The following DTX3L variants were observed in gnomAD, a reference collection of about 807,000 sequenced individuals.
DTX3L encodes deltex E3 ubiquitin ligase 3L.
Under a neutral mutation model 60.9 loss-of-function variants are expected in DTX3L, and 34 were observed. That is an observed-to-expected ratio of 0.56 (90% confidence interval 0.42 to 0.74). The LOEUF (loss-of-function observed/expected upper bound fraction) is 0.74, where lower values mean the gene tolerates loss of function less well. Among genes scored for constraint, DTX3L ranks in the 30% least tolerant of loss-of-function variants. The pLI, the probability that DTX3L is intolerant of heterozygous loss-of-function variation, is 0.00. For synonymous variants in DTX3L, 290 were observed against 316.6 expected, an observed-to-expected ratio of 0.92 and a Z score of 0.89; for missense variants, 810 against 874.0, an observed-to-expected ratio of 0.93 and a Z score of 0.92.
chr3:122,565,926 C>G lies in DTX3L; in HGVS notation c.255C>G (p.Phe85Leu). Residue 85 changes from phenylalanine to leucine, a missense_variant, in exon 2 of 5, where the codon TTC (phenylalanine) becomes TTG (leucine). Transcript: ENST00000296161. ...TTGACGAAAAACCTGTGCCCATTTTCCTGGTACCCACTGAAAATTCAATAA... is the reference window on the plus strand; with the variant it reads ...TTGACGAAAAACCTGTGCCCATTTTGCTGGTACCCACTGAAAATTCAATAA... ...ILVDEKPVPI[F>L]LVPTENSIKK... The G allele has an allele frequency of 6.2e-7, 1 of 1,614,178 alleles. No individual in the cohort carries two copies. Among genetic ancestry groups the G allele is most frequent in the Non-Finnish European group, 8.5e-7 (1 of 1,180,042 alleles).
rs1016973181 is a variant in DTX3L, at chr3:122,574,769, G to A, written c.*3022G>A. ...ACTTCTCCATGGAGCAGCCTGAGGC[G>A]ATCCCTTTATTCTGGGCTTCTCTCA... On this transcript the variant is annotated 3_prime_UTR_variant, in exon 5 of 5. Transcript: ENST00000296161. The A allele has an allele frequency of 1.3e-5, 2 of 152,160 alleles. No individual in the cohort carries two copies. Among genetic ancestry groups the A allele is most frequent in the Non-Finnish European group, 2.9e-5 (2 of 68,028 alleles). 9.4% of individuals were successfully genotyped at this position (152,160 alleles called of 1,614,324 possible). A position where few individuals can be genotyped will look rare whatever the true frequency, so the allele number is the denominator to read the frequency against.
intron 2 of DTX3L, 75 bp downstream of exon 2, chr3:122,566,145 A>G (rs1175226040): frequency 1.5e-6 from 2 of 1,366,494 alleles, no homozygotes; most frequent in Non-Finnish European, 2.1e-6. Flanking sequence ...TATTGATCCA[A>G]CACCCATGTG....
At chr3:122,570,273 G>A (rs1169447276) in intron 3 of DTX3L, 182 bp from the exon 4 acceptor site, 26 of 746,938 alleles carry the variant, frequency 3.5e-5, no homozygotes, top group Non-Finnish European at 5.4e-5. Flanking sequence ...TCAGGAAGGT[G>A]GACAGTGTTT....
intron 4 of DTX3L, 141 bp downstream of exon 4, chr3:122,570,813 C>A: frequency 1.2e-6 from 1 of 867,228 alleles, no homozygotes; most frequent in South Asian, 1.7e-5. Context: ...ATGGTAATCT[C>A]AAAGACAGAA....
chr3:122,571,542 T>C, intron 4 of DTX3L, 136 bp from the exon 5 acceptor site: 2 of 654,122 alleles, frequency 3.1e-6, no homozygotes, highest in Non-Finnish European at 2.6e-6. Context: ...TTAAAAGTCA[T>C]GATACGTCAT....
Position 122,569,819 on chromosome 3 carries a change from G to T in DTX3L, c.1730G>T (p.Cys577Phe), listed in dbSNP as rs1199117420. Residue 577 changes from cysteine to phenylalanine, a missense_variant, in exon 3 of 5, where the codon TGC becomes TTC. Coordinates refer to ENST00000296161, the MANE Select transcript of DTX3L (RefSeq NM_138287.3). ...TISNKKVLPKCKHEFCAPCIN... is the reference protein window; with the variant it reads ...TISNKKVLPKFKHEFCAPCIN... ...AGTAACAAAAAAGTGCTACCAAAGTGCAAGCATGAATTCTGCGCCCCTTGT... is the reference window on the plus strand; with the variant it reads ...AGTAACAAAAAAGTGCTACCAAAGTTCAAGCATGAATTCTGCGCCCCTTGT... The T allele has an allele frequency of 6.2e-7, 1 of 1,613,996 alleles. No homozygotes were observed. Among genetic ancestry groups the T allele is most frequent in the Non-Finnish European group, 8.5e-7 (1 of 1,180,042 alleles).
chr3:122,569,010 A>G lies in DTX3L; in HGVS notation c.921A>G (p.Gln307=), dbSNP rs1379936901. ...EFQKNTEPLK[Q]ECVSLADSKQ... is the part of the protein sequence containing the mutation. ...AGAAGAACACAGAACCTCTGAAGCAAGAATGTGTCTCTTTAGCAGACAGTA... is the reference window on the plus strand; with the variant it reads ...AGAAGAACACAGAACCTCTGAAGCAGGAATGTGTCTCTTTAGCAGACAGTA... Residue 307 remains glutamine, a synonymous_variant, in exon 3 of 5, where the codon CAA becomes CAG. Coordinates refer to ENST00000296161, the MANE Select transcript of DTX3L (RefSeq NM_138287.3). 1 of 1,614,086 alleles carries G rather than the reference A, an allele frequency of 6.2e-7. No individual in the cohort carries two copies. Among genetic ancestry groups the G allele is most frequent in the African/African-American group, 1.3e-5 (1 of 74,940 alleles).
In DTX3L at chr3:122,567,698, G is replaced by T. The variant is rs191870417; in HGVS notation, c.400-791G>T. Among the ~76,000 whole-genome samples the T allele has an allele frequency of 4.8e-3, 730 of 152,264 alleles. 4 individuals carry two copies. Among genetic ancestry groups the T allele is most frequent in the Admixed American group, 0.016 (252 of 15,296 alleles). ...AAAAATAGTAATAGGAAAAGCCATTGCCCTCAGTTTTATGGCTCCCTTCCA... is the reference window on the plus strand; with the variant it reads ...AAAAATAGTAATAGGAAAAGCCATTTCCCTCAGTTTTATGGCTCCCTTCCA... On this transcript the variant is annotated intron_variant, in intron 2 of 4. Transcript: ENST00000296161.
intron 1 of DTX3L, 143 bp from the exon 2 acceptor site, chr3:122,565,716 C>A: frequency 1.4e-6 from 1 of 734,846 alleles, no homozygotes; most frequent in Non-Finnish European, 2.3e-6. Flanking sequence ...CTTTCTCCAT[C>A]GCCAACCCAC....
chr3:122,567,738 T>C (rs982766258), intron 2 of DTX3L, among the ~76,000 whole-genome samples: 3 of 152,192 alleles, frequency 2.0e-5, no homozygotes, highest in African/African-American at 7.2e-5. Flanking sequence ...CACAAACTTT[T>C]GTGAGGGCCA....
intron 3 of DTX3L, 106 bp downstream of exon 3, chr3:122,570,130 T>A (rs1436961427): frequency 8.1e-7 from 1 of 1,229,584 alleles, no homozygotes; most frequent in Non-Finnish European, 1.2e-6. Context: ...CAAGGAATTA[T>A]CTCCAGGGTC....
intron 3 of DTX3L, 69 bp from the exon 4 acceptor site, chr3:122,570,386 A>G (rs1330855437): frequency 1.4e-6 from 2 of 1,454,136 alleles, no homozygotes; most frequent in Non-Finnish European, 1.9e-6. Context: ...ACAAATGAAC[A>G]CATCTATACC....
Position 122,569,154 on chromosome 3 carries a change from A to C in DTX3L, c.1065A>C (p.Gln355His). The C allele has an allele frequency of 1.2e-6, 2 of 1,614,226 alleles. No homozygotes were observed. Among genetic ancestry groups the C allele is most frequent in the Non-Finnish European group, 1.7e-6 (2 of 1,180,040 alleles). The change falls in exon 3 of 5, where the codon CAA (glutamine) becomes CAC (histidine). Residue 355 changes from glutamine to histidine, a missense_variant. Gln to His is a conservative substitution (Grantham distance 24, BLOSUM62 0). Transcript: ENST00000296161. ...GTQDDISAAK[Q>H]KISEAFVKIP... is the part of the protein sequence containing the mutation. ...AAGATGACATTTCAGCTGCCAAACA[A>C]AAAATCTCTGAAGCTTTTGTCAAGA... is the stretch of plus-strand genomic sequence containing the variant.
intron 1 of DTX3L, 107 bp downstream of exon 1, chr3:122,564,720 T>C (rs1388868450): frequency 2.9e-6 from 4 of 1,367,006 alleles, no homozygotes; most frequent in Non-Finnish European, 3.9e-6. Context: ...GGAGAAAGTA[T>C]GTCACTGTGC....
intron 4 of DTX3L, 124 bp downstream of exon 4, chr3:122,570,796 A>G (rs1282186735): frequency 5.1e-6 from 5 of 985,028 alleles, no homozygotes; most frequent in Non-Finnish European, 7.6e-6. Flanking sequence ...AGAGCTGCTG[A>G]TCGGGGATGG....
intron 4 of DTX3L, among the ~76,000 whole-genome samples, chr3:122,571,448 G>A (rs1312822904): frequency 6.6e-6 from 1 of 152,176 alleles, no homozygotes; most frequent in African/African-American, 2.4e-5. Context: ...CTTTGTAGTT[G>A]GCAGGGTAGA....
At position 122,566,039 on chromosome 3, in the gene DTX3L, T is replaced by C. The variant is rs368984815; in HGVS notation, c.368T>C (p.Ile123Thr). ...SGDMHQHEGH[I>T]PNAVDSCLQK... ...GATATGCATCAACATGAAGGACATA[T>C]TCCTAATGCTGTGGATTCCTGTCTC... Residue 123 changes from isoleucine (I) to threonine (T), a missense_variant, in exon 2 of 5, where the codon ATT becomes ACT. Physicochemically the swap from Ile to Thr is moderately conservative, Grantham distance 89. Transcript: ENST00000296161. The C allele has an allele frequency of 3.5e-5, 56 of 1,614,064 alleles. No individual in the cohort carries two copies. The highest frequency in any genetic ancestry group is 1.6e-4 in the Middle Eastern group (1 of 6,084).
chr3:122,569,438 GAGA>G lies in DTX3L; in HGVS notation c.1352_1354del (p.Glu451del). ...CAACATGCCTCATGTCAGTTGATGA[GAGA>G]AGTTCTTTTACTGAAGTCTTTGGGC... On this transcript the variant is annotated inframe_deletion, in exon 3 of 5. Transcript: ENST00000296161. The G allele has an allele frequency of 6.2e-7, 1 of 1,614,172 alleles. No homozygotes were observed. Among genetic ancestry groups the G allele is most frequent in the Non-Finnish European group, 8.5e-7 (1 of 1,180,030 alleles).
intron 1 of DTX3L, 49 bp downstream of exon 1, chr3:122,564,662 C>T: frequency 6.4e-7 from 1 of 1,552,684 alleles, no homozygotes; most frequent in African/African-American, 1.4e-5. Flanking sequence ...GGCCCGGCCC[C>T]CGGGTTTCCA....
Sources: allele counts gnomAD v4.1 joint callset (sites outside exome capture counted in the v4.1 genomes callset), GRCh38; gene constraint gnomAD v4.1.1; transcripts MANE v1.5; gene names NCBI Gene and HGNC (gene_info 2026-07-23, HGNC 2026-07-21).